The following ANKS1A variants were observed in gnomAD, a reference collection of about 807,000 sequenced individuals.
ANKS1A encodes the protein ankyrin repeat and sterile alpha motif domain containing 1A.
A neutral mutation model predicts 120.3 loss-of-function variants in ANKS1A; 55 were observed. The observed-to-expected ratio is 0.46, with a 90% CI of 0.37 to 0.57. ANKS1A has a LOEUF of 0.57. ANKS1A is among the 20% of genes least tolerant of loss of function. ANKS1A has a pLI of 0.00. For synonymous variants in ANKS1A, 590 were observed against 604.7 expected (o/e 0.98, Z 0.36); for missense variants, 1,123 against 1,480.3 (o/e 0.76, Z 3.96).
intron 1 of ANKS1A, among the ~76,000 whole-genome samples, chr6:34,956,434 T>C (rs532597692): frequency 6.6e-6 from 1 of 152,246 alleles, no homozygotes; most frequent in Admixed American, 6.5e-5. Context: ...TTGTCACTTG[T>C]ATTAAAGCGT....
intron 1 of ANKS1A, among the ~76,000 whole-genome samples, chr6:34,894,466 A>G (rs1766975606): frequency 6.6e-6 from 1 of 152,212 alleles, no homozygotes; most frequent in South Asian, 2.1e-4. Flanking sequence ...AGCCTGGGCA[A>G]CATGCTGAAA....
chr6:35,092,776 T>C (rs1309808769), downstream of ANKS1A, among the ~76,000 whole-genome samples: 1 of 152,200 alleles, frequency 6.6e-6, no homozygotes, highest in Non-Finnish European at 1.5e-5. Flanking sequence ...CACTCATTCC[T>C]TTCTCCCCCT....
At chr6:35,092,346 G>A (rs1030238251), downstream of ANKS1A, among the ~76,000 whole-genome samples, 1 of 152,124 alleles carries the variant, frequency 6.6e-6, no homozygotes, top group African/African-American at 2.4e-5. Flanking sequence ...TACCCATATT[G>A]AACATAAACA....
Position 34,981,861 on chromosome 6 carries a change from A to G in ANKS1A, c.607A>G (p.Asn203Asp), listed in dbSNP as rs1465166428. The G allele has an allele frequency of 3.7e-6, 6 of 1,614,054 alleles. No individual in the cohort carries two copies. Among genetic ancestry groups the G allele is most frequent in the Non-Finnish European group, 5.1e-6 (6 of 1,180,010 alleles). Residue 203 changes from asparagine (N) to aspartate (D), a missense_variant, in exon 4 of 24, where the codon AAT becomes GAT. Asn to Asp is a conservative substitution (Grantham distance 23). This residue lies in a region of ANKS1A where 146 missense variants were observed against 267.8 expected (regional missense o/e 0.55). Coordinates refer to ENST00000360359, the MANE Select transcript of ANKS1A (RefSeq NM_015245.3). ...ACTGGAGGTGGTGAAAATGCTCCTT[A>G]ATGCACACCCCAACCTCCTGAGCTG... Reference protein sequence around the residue: ...GRLEVVKMLLNAHPNLLSCNT... With the variant: ...GRLEVVKMLLDAHPNLLSCNT...
At chr6:34,957,835 T>C (rs1770446611) in intron 1 of ANKS1A, among the ~76,000 whole-genome samples, 1 of 152,202 alleles carries the variant, frequency 6.6e-6, no homozygotes, top group South Asian at 2.1e-4. Flanking sequence ...GAGTCAGATG[T>C]GGAATTTTGT....
intron 10 of ANKS1A, among the ~76,000 whole-genome samples, chr6:34,998,560 TATAGAAAGAC>T (rs1260728924): frequency 6.6e-6 from 1 of 152,176 alleles, no homozygotes; most frequent in Non-Finnish European, 1.5e-5. Context: ...ATCTCTAGAT[TATAGAAAGAC>T]ATTGTAAAAC....
rs753691291 is a variant in ANKS1A, at chr6:35,086,958, C to G, written c.3310C>G (p.Pro1104Ala). Residue 1104 changes from proline to alanine, a missense_variant, in exon 23 of 24, where the codon CCA becomes GCA. By Grantham distance (27) the Pro-to-Ala change is conservative. Around this residue, in one of 3 missense-constraint regions of ANKS1A, gnomAD observed 904 missense variants for 1,130.4 expected, o/e 0.80. Coordinates refer to ENST00000360359, the MANE Select transcript of ANKS1A (RefSeq NM_015245.3). The surrounding 1 kb of genome is among the most constrained non-coding windows in gnomAD (Gnocchi z 5.1). ...CTGCTTCCTTGTTTGGCAGCTGGAA[C>G]CACCTGATATGGACCAAGATGCCCA... ...RVGVRKSALE[P>A]PDMDQDAQSH... 1 of 1,614,134 alleles carries G rather than the reference C, an allele frequency of 6.2e-7. No individual in the cohort carries two copies. The highest frequency in any genetic ancestry group is 8.5e-7 in the Non-Finnish European group (1 of 1,179,986).
At chr6:34,979,924 C>A (rs1260505706) in intron 3 of ANKS1A, among the ~76,000 whole-genome samples, 2 of 152,124 alleles carry the variant, frequency 1.3e-5, no homozygotes, top group Admixed American at 1.3e-4. Context: ...GTTGGTTCAT[C>A]AGGAGAAAGT....
At chr6:34,921,314 G>T (rs139931277) in intron 1 of ANKS1A, among the ~76,000 whole-genome samples, 1 of 151,898 alleles carries the variant, frequency 6.6e-6, no homozygotes, top group Non-Finnish European at 1.5e-5. Flanking sequence ...TTTTTATTAA[G>T]CCTCTTCCTT....
At chr6:35,017,212 T>G (rs1299842924) in intron 10 of ANKS1A, among the ~76,000 whole-genome samples, 1 of 152,186 alleles carries the variant, frequency 6.6e-6, no homozygotes, top group Non-Finnish European at 1.5e-5. Flanking sequence ...CAGGGAAGGC[T>G]GCCAGATAGC....
intron 10 of ANKS1A, among the ~76,000 whole-genome samples, chr6:35,007,643 G>A (rs1275502036): frequency 6.6e-6 from 1 of 152,200 alleles, no homozygotes; most frequent in Admixed American, 6.5e-5. Flanking sequence ...GTTCTTTGTG[G>A]TGCTTTTTTG....
At chr6:34,971,122 T>C (rs1468405743) in intron 3 of ANKS1A, among the ~76,000 whole-genome samples, 1 of 152,236 alleles carries the variant, frequency 6.6e-6, no homozygotes, top group African/African-American at 2.4e-5. Context: ...CTTGCAGCAG[T>C]ATAAGTACTC....
At chr6:34,898,180 A>G (rs1021772885) in intron 1 of ANKS1A, among the ~76,000 whole-genome samples, 5 of 152,214 alleles carry the variant, frequency 3.3e-5, no homozygotes, top group African/African-American at 1.2e-4. Context: ...TGTTAAGGAC[A>G]TATCTTTTAT....
At chr6:35,061,634 A>C (rs1297362446) in intron 13 of ANKS1A, among the ~76,000 whole-genome samples, 1 of 152,240 alleles carries the variant, frequency 6.6e-6, no homozygotes, top group African/African-American at 2.4e-5. Context: ...GGTGTGCAAC[A>C]ATGCACCCTT....
intron 1 of ANKS1A, among the ~76,000 whole-genome samples, chr6:34,931,421 T>A (rs1768975272): frequency 6.6e-6 from 1 of 152,204 alleles, no homozygotes; most frequent in Admixed American, 6.5e-5. Flanking sequence ...GTGCTGGGAT[T>A]ACAGGAGTGA....
At chr6:35,070,977 C>T (rs1777056850) in intron 13 of ANKS1A, 1 of 580,184 alleles carries the variant, frequency 1.7e-6, no homozygotes, top group Admixed American at 2.0e-5. Context: ...GGTTTCCCCT[C>T]TCTGTCTATT....
intron 1 of ANKS1A, among the ~76,000 whole-genome samples, chr6:34,891,708 A>T (rs567821579): frequency 6.6e-6 from 1 of 152,218 alleles, no homozygotes; most frequent in Non-Finnish European, 1.5e-5. Flanking sequence ...GCTCACTGCA[A>T]CCTTCGCCTT....
In ANKS1A at chr6:34,989,232, T is replaced by A. The variant is rs1344048266; in HGVS notation, c.1218T>A (p.Arg406=). The stretch of plus-strand genomic sequence containing the variant: ...TTTTTTCTCTTCTGCAGAGGGAACG[T>A]CCACCACCTCCAGCAAAGCCACCGC... ...VKPAGVRPRE[R]PPPPAKPPPD... is the part of the protein sequence containing the mutation. The change falls in exon 9 of 24, where the codon CGT becomes CGA. Residue 406 remains arginine, a synonymous_variant. Coordinates refer to ENST00000360359, the MANE Select transcript of ANKS1A (RefSeq NM_015245.3). 1 of 1,613,888 alleles carries A rather than the reference T, an allele frequency of 6.2e-7. No individual in the cohort carries two copies. The highest frequency in any genetic ancestry group is 1.1e-5 in the South Asian group (1 of 91,042).
chr6:35,021,120 C>T (rs1338206857), intron 11 of ANKS1A, among the ~76,000 whole-genome samples: 1 of 152,224 alleles, frequency 6.6e-6, no homozygotes, highest in African/African-American at 2.4e-5. Flanking sequence ...GGCCCTAAAC[C>T]CAGGGCCTTG....
Sources: gnomAD v4.1 joint callset for allele counts (sites outside exome capture counted in the v4.1 genomes callset) on GRCh38, gnomAD v4.1.1 for gene constraint, gnomAD v4.1.1 regional missense constraint, Gnocchi (gnomAD v3.1) non-coding constraint, MANE v1.5 for transcripts, NCBI Gene and HGNC (gene_info 2026-07-23, HGNC 2026-07-21) for gene names.